The following QPCT variants were observed in gnomAD, a reference collection of about 807,000 sequenced individuals.
The protein encoded by QPCT is EC.
QPCT carries 44 observed loss-of-function variants against 43.4 expected under a neutral mutation model. The observed-to-expected ratio is 1.01, with a 90% CI of 0.80 to 1.30. QPCT has a LOEUF of 1.30. Ranked by LOEUF, QPCT falls within the 50% of genes most tolerant of loss-of-function variation. The pLI is 0.00. For synonymous variants in QPCT, 168 were observed against 168.4 expected (o/e 1.00, Z 0.02); for missense variants, 526 against 436.5 (o/e 1.21, Z -1.83).
chr2:37,366,697 G>C (rs1468837869), intron 3 of QPCT, among the ~76,000 whole-genome samples: 1 of 152,222 alleles, frequency 6.6e-6, no homozygotes, highest in Non-Finnish European at 1.5e-5. Context: ...GAAAGAAATG[G>C]TGTTGGACGG....
intron 3 of QPCT, among the ~76,000 whole-genome samples, chr2:37,361,359 A>G (rs1478435056): frequency 6.6e-6 from 1 of 152,190 alleles, no homozygotes; most frequent in East Asian, 1.9e-4. Flanking sequence ...CTCTCCAGTA[A>G]TAGGACTGTC....
At position 37,372,905 on chromosome 2, in the gene QPCT, C is replaced by A; in HGVS notation, c.*78C>A. The A allele has an allele frequency of 7.7e-7, 1 of 1,290,932 alleles. No homozygotes were observed. The highest frequency in any genetic ancestry group is 1.1e-6 in the Non-Finnish European group (1 of 938,368). The allele number at this position is 1,290,932 out of a possible 1,614,324, so 80.0% of individuals were successfully genotyped here. A position where few individuals can be genotyped will look rare whatever the true frequency, so the allele number is the denominator to read the frequency against. ...GGCATCATTTAAAATAATCTGATTT[C>A]AGACAAATGCTGTGTGGAAACATCT... is the stretch of plus-strand genomic sequence containing the variant. On this transcript the variant is annotated 3_prime_UTR_variant, in exon 7 of 7. Transcript: ENST00000338415.
chr2:37,359,676 A>G lies in QPCT; in HGVS notation c.364A>G (p.Asn122Asp). ...QTPYGYRSFS[N>D]IISTLNPTAK... The stretch of plus-strand genomic sequence containing the variant: ...ACCCTATGGGTACCGGTCTTTCTCA[A>G]ATATCATCAGCACCCTCAATCCCAC... The change falls in exon 3 of 7, where the codon AAT becomes GAT. Residue 122 changes from asparagine (N) to aspartate (D), a missense_variant. Coordinates refer to ENST00000338415, the MANE Select transcript of QPCT (RefSeq NM_012413.4). The G allele has an allele frequency of 2.5e-6, 4 of 1,614,144 alleles. No homozygotes were observed. Among genetic ancestry groups the G allele is most frequent in the African/African-American group, 1.3e-5 (1 of 75,030 alleles).
In QPCT at chr2:37,359,825, T is replaced by TC; in HGVS notation, c.514dup (p.Arg172ProfsTer28). On this transcript the variant is annotated frameshift_variant, in exon 3 of 7. Coordinates refer to ENST00000338415, the MANE Select transcript of QPCT (RefSeq NM_012413.4). LOFTEE classifies it high-confidence loss of function. ...CATGTGCAATGATGTTGGAACTTGCTCGTGCCTTAGACAAGAAACTCCTTT... is the reference window on the plus strand; with the variant it reads ...CATGTGCAATGATGTTGGAACTTGCTCCGTGCCTTAGACAAGAAACTCCTTT... The TC allele has an allele frequency of 6.2e-7, 1 of 1,614,222 alleles. No homozygotes were observed. The highest frequency in any genetic ancestry group is 8.5e-7 in the Non-Finnish European group (1 of 1,180,026).
rs532633986 is a variant in QPCT, at chr2:37,362,076, C to T, written c.546+2218C>T. On this transcript the variant is annotated intron_variant, in intron 3 of 6. Coordinates refer to ENST00000338415, the MANE Select transcript of QPCT (RefSeq NM_012413.4). Reference sequence around the variant, plus strand: ...GCTGGCTAAATGAATGGATATTAGGCGAACAGAATGAAAGCAAATCGTTGT... The same window carrying T: ...GCTGGCTAAATGAATGGATATTAGGTGAACAGAATGAAAGCAAATCGTTGT... 3.9e-5 allele frequency among the ~76,000 whole-genome samples: 6 copies of T among 152,288 alleles called. No homozygotes were observed. The South Asian group carries it at 6.2e-4, about 16-fold the overall frequency.
At chr2:37,345,994 AG>A (rs1425615817) in intron 1 of QPCT, among the ~76,000 whole-genome samples, 1 of 152,252 alleles carries the variant, frequency 6.6e-6, no homozygotes, top group Non-Finnish European at 1.5e-5. Flanking sequence ...AGAGATATTA[AG>A]AAAAGCAGCA....
Position 37,344,677 on chromosome 2 carries a change from C to A in QPCT, c.-55C>A. 6.4e-7 allele frequency: 1 copy of A among 1,551,274 alleles called. No homozygotes were observed. Among genetic ancestry groups the A allele is most frequent in the South Asian group, 1.2e-5 (1 of 85,136 alleles). ...AGGGAAGGCGAAGGACGCGCGTTCC[C>A]GGGCTCGTGACCGCCAGCGGCCCGG... On this transcript the variant is annotated 5_prime_UTR_variant, in exon 1 of 7. Transcript: ENST00000338415.
chr2:37,368,866 T>C (rs908548516), intron 4 of QPCT, among the ~76,000 whole-genome samples: 6 of 152,208 alleles, frequency 3.9e-5, no homozygotes, highest in Non-Finnish European at 8.8e-5. Context: ...AAACCCTTAA[T>C]AGATTAACCA....
chr2:37,361,429 G>A (rs1463236842), intron 3 of QPCT, among the ~76,000 whole-genome samples: 3 of 152,190 alleles, frequency 2.0e-5, no homozygotes, highest in African/African-American at 7.2e-5. Flanking sequence ...GTAGCCAGTT[G>A]TACTTCCTCA....
chr2:37,352,458 G>A (rs1333900236), intron 1 of QPCT, among the ~76,000 whole-genome samples: 1 of 152,128 alleles, frequency 6.6e-6, no homozygotes, highest in Admixed American at 6.6e-5. Context: ...TAAGTAGCTA[G>A]AACAACGGGC....
Position 37,369,574 on chromosome 2 carries a change from A to G in QPCT, c.724-111A>G, listed in dbSNP as rs147570837. ...TTGGTTCATTCATATAGCTTGCCAT[A>G]TTATTCTCAATTACTGAAATGCAGT... is the stretch of plus-strand genomic sequence containing the variant. On this transcript the variant is annotated intron_variant, in intron 4 of 6. Coordinates refer to ENST00000338415, the MANE Select transcript of QPCT (RefSeq NM_012413.4). The G allele has an allele frequency of 1.1e-3, 862 of 785,194 alleles. 4 individuals carry two copies. In the African/African-American group the frequency reaches 0.012, roughly 11 times the overall value. 48.6% of individuals were successfully genotyped at this position (785,194 alleles called of 1,614,324 possible).
At chr2:37,358,036 T>G (rs1005158007) in intron 2 of QPCT, among the ~76,000 whole-genome samples, 23 of 151,976 alleles carry the variant, frequency 1.5e-4, no homozygotes, top group African/African-American at 5.3e-4. Flanking sequence ...GTCAGTTATT[T>G]TGATGTTAGT....
At chr2:37,364,457 A>T (rs113767283) in intron 3 of QPCT, among the ~76,000 whole-genome samples, 3 of 152,366 alleles carry the variant, frequency 2.0e-5, no homozygotes, top group African/African-American at 7.2e-5. Flanking sequence ...CCAGACAGAC[A>T]TGAGAAATAA....
At chr2:37,355,413 C>A (rs765056134) in intron 2 of QPCT, among the ~76,000 whole-genome samples, 3 of 151,314 alleles carry the variant, frequency 2.0e-5, no homozygotes, top group Non-Finnish European at 2.9e-5. Flanking sequence ...TCTCCTGAGG[C>A]CTTTTTGAAC....
At chr2:37,356,379 A>G (rs772186835) in intron 2 of QPCT, among the ~76,000 whole-genome samples, 1 of 151,872 alleles carries the variant, frequency 6.6e-6, no homozygotes, top group Non-Finnish European at 1.5e-5. Flanking sequence ...TAAAACATAG[A>G]TGTATAGCAA....
intron 3 of QPCT, among the ~76,000 whole-genome samples, chr2:37,366,903 C>A (rs1264110879): frequency 1.3e-5 from 2 of 152,186 alleles, no homozygotes; most frequent in African/African-American, 4.8e-5. Context: ...AGGCAACACA[C>A]CCTCCTGTAT....
intron 2 of QPCT, among the ~76,000 whole-genome samples, chr2:37,355,974 T>C (rs1672735433): frequency 6.6e-6 from 1 of 152,034 alleles, no homozygotes; most frequent in Non-Finnish European, 1.5e-5. Flanking sequence ...GGGACTCATA[T>C]ATGGTGCACT....
intron 1 of QPCT, among the ~76,000 whole-genome samples, chr2:37,347,711 G>T (rs978322577): frequency 1.1e-4 from 17 of 152,156 alleles, no homozygotes; most frequent in African/African-American, 3.9e-4. Flanking sequence ...CAGGCCTTTT[G>T]GTCACCAGTC....
chr2:37,346,639 T>C (rs906100542), intron 1 of QPCT, among the ~76,000 whole-genome samples: 1 of 152,218 alleles, frequency 6.6e-6, no homozygotes, highest in Non-Finnish European at 1.5e-5. Flanking sequence ...TTATATTTAT[T>C]TTAAGAAGCT....
Sources: gnomAD v4.1 joint callset for allele counts (sites outside exome capture counted in the v4.1 genomes callset) on GRCh38, gnomAD v4.1.1 for gene constraint, MANE v1.5 for transcripts, NCBI Gene and HGNC (gene_info 2026-07-23, HGNC 2026-07-21) for gene names.